Variants in NDRG2 observed in about 807,000 individuals in gnomAD.
NDRG2 encodes the protein protein NDRG2.
NDRG2 carries 34 observed loss-of-function variants against 58.2 expected under a neutral mutation model. That is an observed-to-expected ratio of 0.58 (90% CI 0.44 to 0.78). NDRG2 has a LOEUF of 0.78. Among genes scored for constraint, NDRG2 ranks in the 30% least tolerant of loss-of-function variants. NDRG2 has a pLI of 0.00. For synonymous variants in NDRG2, 187 were observed against 175.9 expected (o/e 1.06, Z -0.50); for missense variants, 434 against 471.2 (o/e 0.92, Z 0.73).
intron 1 of NDRG2, among the ~76,000 whole-genome samples, chr14:21,056,152 G>A (rs2139145529): frequency 6.6e-6 from 1 of 152,210 alleles, no homozygotes; most frequent in South Asian, 2.1e-4. Context: ...CAAAGGTGGA[G>A]AAGTTACACA....
In NDRG2 at chr14:21,042,515, C is replaced by T. The variant is rs373517854; in HGVS notation, c.25-19194G>A. 1.7e-4 allele frequency: 31 copies of T among 177,360 alleles called. 2 individuals are homozygous for T. The highest frequency in any genetic ancestry group is 1.2e-3 in the Admixed American group (23 of 18,708). 11.0% of individuals were successfully genotyped at this position (177,360 alleles called of 1,614,324 possible). ...GATGGGTTCTGATCCTGAGAGTACA[C>T]TCAGGTGAGCGATAAAATGGATAAA... On this transcript the variant is annotated intron_variant, in intron 1 of 14. Coordinates refer to the NDRG2 transcript ENST00000403829.
chr14:21,036,407 C>T, intron 1 of NDRG2: 1 of 370,456 alleles, frequency 2.7e-6, no homozygotes, highest in Non-Finnish European at 5.3e-6. Flanking sequence ...ACATAAAATA[C>T]ACTATCACTA....
upstream of NDRG2, chr14:21,025,407 T>G (rs1002853027): frequency 3.0e-6 from 3 of 985,582 alleles, no homozygotes; most frequent in Non-Finnish European, 3.6e-6. The surrounding 1 kb of genome is among the most constrained non-coding windows in gnomAD (Gnocchi z 5.1). Context: ...GATCTGCAAT[T>G]GCACTCTGGC....
At chr14:21,030,750 G>A (rs768515786), upstream of NDRG2, 3 of 1,613,652 alleles carry the variant, frequency 1.9e-6, no homozygotes, top group Admixed American at 1.7e-5. Context: ...GTTCAGCAAA[G>A]TCAAGTGAGG....
In NDRG2 at chr14:21,041,808, T is replaced by C. The variant is rs141176964; in HGVS notation, c.25-18487A>G. ...AACTGGAGAGGCCTGTGAATCATTG[T>C]GGAATGGCTTCGCTATTGGGGATGG... On this transcript the variant is annotated intron_variant, in intron 1 of 14. Coordinates refer to the NDRG2 transcript ENST00000403829. Among the ~76,000 whole-genome samples, 15 of 152,334 alleles carry C rather than the reference T, an allele frequency of 9.8e-5. No individual in the cohort carries two copies. The East Asian group carries it at 2.1e-3, about 22-fold the overall frequency.
intron 1 of NDRG2, chr14:21,057,844 A>C (rs748376909): frequency 2.9e-5 from 45 of 1,526,122 alleles, no homozygotes; most frequent in Non-Finnish European, 1.2e-5. Context: ...ATGATGACCT[A>C]TTCATCCACC....
chr14:21,026,563 C>T (rs1206663848), upstream of NDRG2, among the ~76,000 whole-genome samples: 17 of 151,466 alleles, frequency 1.1e-4, no homozygotes, highest in Admixed American at 6.6e-5. Flanking sequence ...CATCAATGCC[C>T]CTTTCATCCC....
At chr14:21,022,818 G>T in intron 3 of NDRG2, 46 bp downstream of exon 3, 1 of 1,596,826 alleles carries the variant, frequency 6.3e-7, no homozygotes, top group Non-Finnish European at 8.6e-7. Flanking sequence ...TACTGGGGAA[G>T]AGGACAGCCC....
At chr14:21,023,353 T>C (rs1881857556) in intron 1 of NDRG2, 32 bp from the exon 2 acceptor site, 1 of 1,575,400 alleles carries the variant, frequency 6.3e-7, no homozygotes, top group East Asian at 2.3e-5. Flanking sequence ...ACTGGGAAGT[T>C]GTCTCTACAT....
chr14:21,063,832 C>T (rs1886106733), intron 1 of NDRG2, among the ~76,000 whole-genome samples: 1 of 152,182 alleles, frequency 6.6e-6, no homozygotes, highest in South Asian at 2.1e-4. Context: ...TCTTTAAAAG[C>T]TCTCTCATTA....
rs1290508603 is a variant in NDRG2, at chr14:21,024,017, T to G, written c.-7+13A>C. ...AGGAAGGAGCCTGCAGCCTGCGGGGTGGGGTCACTTACTGGGCTCCTATTG... is the reference window on the plus strand; with the variant it reads ...AGGAAGGAGCCTGCAGCCTGCGGGGGGGGGTCACTTACTGGGCTCCTATTG... On this transcript the variant is annotated intron_variant, in intron 1 of 15. Coordinates refer to ENST00000556147, the MANE Select transcript of NDRG2 (RefSeq NM_001320329.2). 5 of 985,210 alleles carry G rather than the reference T, an allele frequency of 5.1e-6. No homozygotes were observed. Among genetic ancestry groups the G allele is most frequent in the Non-Finnish European group, 6.0e-6 (5 of 830,064 alleles). 61.0% of individuals were successfully genotyped at this position (985,210 alleles called of 1,614,324 possible). A position where few individuals can be genotyped will look rare whatever the true frequency, so the allele number is the denominator to read the frequency against.
chr14:21,017,625 GGGGC>G lies in NDRG2; in HGVS notation c.1083_1086del (p.Pro362ArgfsTer16). 1.2e-6 allele frequency: 2 copies of G among 1,613,754 alleles called. No individual in the cohort carries two copies. The highest frequency in any genetic ancestry group is 1.7e-6 in the Non-Finnish European group (2 of 1,179,880). ...CAGGAGACCTCCATGGTGTGCCCCG[GGGGC>G]CCCGAAGAAAGAGTTCCAGACTCGC... is the stretch of plus-strand genomic sequence containing the variant. On this transcript the variant is annotated frameshift_variant, in exon 16 of 16. Transcript: ENST00000556147. LOFTEE classifies it high-confidence loss of function.
chr14:21,032,957 A>G, intron 1 of NDRG2: 1 of 456,014 alleles, frequency 2.2e-6, no homozygotes, highest in Non-Finnish European at 4.4e-6. Flanking sequence ...GGTTTTAGAA[A>G]TTTATGTTCG....
At chr14:21,047,073 C>A (rs1219653061) in intron 1 of NDRG2, 1 of 152,106 alleles carries the variant, frequency 6.6e-6, no homozygotes, top group Admixed American at 6.5e-5. Flanking sequence ...AGTTATCTAG[C>A]TAACACACTC....
chr14:21,018,851 C>CT, intron 11 of NDRG2, 37 bp from the exon 12 acceptor site: 2 of 1,613,080 alleles, frequency 1.2e-6, no homozygotes, highest in Non-Finnish European at 1.7e-6. Flanking sequence ...CAGTGAGCCC[C>CT]TGGCACTCCC....
upstream of NDRG2, chr14:21,030,398 G>A: frequency 1.6e-6 from 1 of 619,960 alleles, no homozygotes; most frequent in Non-Finnish European, 2.8e-6. Context: ...TCATGCTGTA[G>A]TTGCGTAGGT....
chr14:21,043,556 A>C (rs1885011994), intron 1 of NDRG2: 11 of 855,520 alleles, frequency 1.3e-5, no homozygotes, highest in Non-Finnish European at 2.0e-5. Flanking sequence ...TCTTCCCCTC[A>C]TCTCTTGGGG....
At position 21,063,331 on chromosome 14, in the gene NDRG2, T is replaced by C. The variant is rs532629729; in HGVS notation, c.24+7497A>G. On this transcript the variant is annotated intron_variant, in intron 1 of 14. Transcript: ENST00000403829. ...CTATATTCCGCCAATTACAGATCTT[T>C]TGGGATTCCAAACTCCTCATCTGAA... 2.6e-5 allele frequency among the ~76,000 whole-genome samples: 4 copies of C among 152,286 alleles called. No homozygotes were observed. In the South Asian group the frequency reaches 6.2e-4, roughly 24 times the overall value.
Position 21,070,278 on chromosome 14 carries a change from ACCGCG to A in NDRG2, c.24+545_24+549del. 1 of 1,097,542 alleles carries A rather than the reference ACCGCG, an allele frequency of 9.1e-7. No individual in the cohort carries two copies. The highest frequency in any genetic ancestry group is 1.1e-6 in the Non-Finnish European group (1 of 875,240). The allele number at this position is 1,097,542 out of a possible 1,614,324, so 68.0% of individuals were successfully genotyped here. A position where few individuals can be genotyped will look rare whatever the true frequency, so the allele number is the denominator to read the frequency against. On this transcript the variant is annotated intron_variant, in intron 1 of 14. Coordinates refer to the NDRG2 transcript ENST00000403829. The surrounding 1 kb of genome is among the most constrained non-coding windows in gnomAD (Gnocchi z 4.7). ...GGAAGCCGGAGCGGGCCGAGCCGCC[ACCGCG>A]GCCGGAGCTGTCCCTTAGCCAGACC...
Sources: allele counts gnomAD v4.1 joint callset (sites outside exome capture counted in the v4.1 genomes callset), GRCh38; gene constraint gnomAD v4.1.1; non-coding constraint Gnocchi (gnomAD v3.1); transcripts MANE v1.5; gene names NCBI Gene and HGNC (gene_info 2026-07-23, HGNC 2026-07-21).